CDH9: variants seen among roughly 807,000 people sequenced by gnomAD.
The protein encoded by CDH9 is cadherin-9.
Under a neutral mutation model 70.9 loss-of-function variants are expected in CDH9, and 28 were observed. The observed-to-expected ratio is 0.40, with a 90% CI of 0.29 to 0.54. The LOEUF is 0.54. CDH9 is among the 20% of genes least tolerant of loss of function. The pLI is 0.59. For missense variants in CDH9, 874 were observed against 984.4 expected, an observed-to-expected ratio of 0.89 and a Z score of 1.50; for synonymous variants, 409 against 343.1, an observed-to-expected ratio of 1.19 and a Z score of -2.12.
intron 1 of CDH9, among the ~76,000 whole-genome samples, chr5:27,017,084 A>G (rs1457143860): frequency 6.6e-6 from 1 of 151,400 alleles, no homozygotes; most frequent in Non-Finnish European, 1.5e-5. Flanking sequence ...ATTCTTCTTC[A>G]TTGTTTGTTT....
At chr5:26,953,733 CTCT>C (rs1361031075) in intron 2 of CDH9, among the ~76,000 whole-genome samples, 1 of 152,082 alleles carries the variant, frequency 6.6e-6, no homozygotes, top group Non-Finnish European at 1.5e-5. Flanking sequence ...GTATCTTAAT[CTCT>C]TCTTCTAACA....
At chr5:26,895,713 T>C (rs1386942276) in intron 7 of CDH9, among the ~76,000 whole-genome samples, 1 of 152,048 alleles carries the variant, frequency 6.6e-6, no homozygotes. Context: ...ATGTTGCAAG[T>C]GGCAGATGTA....
chr5:26,904,230 T>G (rs939482739), intron 5 of CDH9, among the ~76,000 whole-genome samples: 4 of 152,014 alleles, frequency 2.6e-5, no homozygotes, highest in African/African-American at 9.7e-5. Context: ...ATTTATTATT[T>G]TATTCTAAAT....
chr5:26,908,407 T>C (rs1740986774), intron 3 of CDH9, among the ~76,000 whole-genome samples: 1 of 152,132 alleles, frequency 6.6e-6, no homozygotes, highest in Admixed American at 6.6e-5. Flanking sequence ...AGAATAAGTG[T>C]GGTTTTCACA....
At chr5:26,929,785 A>G (rs190793469) in intron 2 of CDH9, among the ~76,000 whole-genome samples, 46 of 152,202 alleles carry the variant, frequency 3.0e-4, no homozygotes, top group African/African-American at 1.1e-3. Flanking sequence ...TTAGATCTCT[A>G]AATTAAAACA....
chr5:26,893,931 T>C (rs1156748310), intron 7 of CDH9, among the ~76,000 whole-genome samples: 3 of 152,174 alleles, frequency 2.0e-5, no homozygotes, highest in Non-Finnish European at 2.9e-5. Context: ...GATGTGGGCT[T>C]TATTGATGTT....
At chr5:26,883,893 G>A (rs994619428) in intron 11 of CDH9, among the ~76,000 whole-genome samples, 2 of 151,952 alleles carry the variant, frequency 1.3e-5, no homozygotes, top group Non-Finnish European at 2.9e-5. Context: ...CAAAATGTAC[G>A]AAAGTACATT....
At chr5:26,979,420 T>C (rs889866496) in intron 2 of CDH9, among the ~76,000 whole-genome samples, 2 of 149,162 alleles carry the variant, frequency 1.3e-5, no homozygotes, top group African/African-American at 2.5e-5. Context: ...TTTAAAAAAA[T>C]GATTAATTGT....
chr5:26,981,601 A>T (rs1219620537), intron 2 of CDH9, among the ~76,000 whole-genome samples: 2 of 152,064 alleles, frequency 1.3e-5, no homozygotes, highest in African/African-American at 4.8e-5. Context: ...TCATGTTTTT[A>T]TACATGCTTG....
At chr5:27,021,929 T>C (rs923559901) in intron 1 of CDH9, among the ~76,000 whole-genome samples, 1 of 152,012 alleles carries the variant, frequency 6.6e-6, no homozygotes, top group Non-Finnish European at 1.5e-5. Flanking sequence ...TTCATGTAAA[T>C]AGACTGTGAA....
intron 9 of CDH9, among the ~76,000 whole-genome samples, chr5:26,887,011 T>C (rs1406964085): frequency 2.0e-5 from 3 of 152,188 alleles, no homozygotes; most frequent in African/African-American, 7.2e-5. Context: ...CACAATAGTT[T>C]AAGCTTTCCA....
chr5:26,943,512 CAA>C (rs5866812), intron 2 of CDH9, among the ~76,000 whole-genome samples: 3,357 of 122,128 alleles, frequency 0.027, 97 homozygotes, highest in African/African-American at 0.086. Flanking sequence ...GACTCCATCT[CAA>C]AAAAAAAAAA....
At chr5:26,966,488 C>G (rs1579482628) in intron 2 of CDH9, among the ~76,000 whole-genome samples, 1 of 152,106 alleles carries the variant, frequency 6.6e-6, no homozygotes, top group Admixed American at 6.6e-5. Flanking sequence ...AATAAAAATA[C>G]TTTATTGGCA....
intron 2 of CDH9, among the ~76,000 whole-genome samples, chr5:26,926,591 C>T (rs982740695): frequency 5.3e-5 from 8 of 150,948 alleles, no homozygotes; most frequent in Admixed American, 2.0e-4. Context: ...GAAAAAAAAA[C>T]TACTTTAAAG....
At chr5:26,916,956 A>G (rs1386792721) in intron 2 of CDH9, among the ~76,000 whole-genome samples, 1 of 151,938 alleles carries the variant, frequency 6.6e-6, no homozygotes, top group African/African-American at 2.4e-5. Context: ...TTCATAAATT[A>G]TCTTCTTTTC....
At chr5:26,978,713 A>C (rs553371835) in intron 2 of CDH9, among the ~76,000 whole-genome samples, 9 of 151,974 alleles carry the variant, frequency 5.9e-5, no homozygotes, top group African/African-American at 2.2e-4. Flanking sequence ...AGAATACTGA[A>C]AGCAAAGATA....
chr5:26,930,382 C>T (rs955587049), intron 2 of CDH9, among the ~76,000 whole-genome samples: 4 of 152,046 alleles, frequency 2.6e-5, no homozygotes, highest in Admixed American at 1.3e-4. Context: ...TCTATATATG[C>T]CAAAATTCAA....
intron 2 of CDH9, among the ~76,000 whole-genome samples, chr5:26,948,535 T>C (rs552028759): frequency 6.6e-6 from 1 of 152,328 alleles, no homozygotes; most frequent in Admixed American, 6.5e-5. Flanking sequence ...CTACCACTAG[T>C]TCTTATGTCA....
At chr5:26,952,520 A>G (rs1424113049) in intron 2 of CDH9, among the ~76,000 whole-genome samples, 1 of 135,038 alleles carries the variant, frequency 7.4e-6, no homozygotes, top group Non-Finnish European at 1.6e-5. Flanking sequence ...CTGTGGTCCC[A>G]GCTACTCGAG....
Sources: allele counts gnomAD v4.1 joint callset (sites outside exome capture counted in the v4.1 genomes callset), GRCh38; gene constraint gnomAD v4.1.1; transcripts MANE v1.5; gene names NCBI Gene and HGNC (gene_info 2026-07-23, HGNC 2026-07-21).